Variants in NR3C2 observed in about 807,000 individuals in gnomAD.
NR3C2 encodes mineralocorticoid receptor.
In NR3C2, 15 loss-of-function variants were observed where a neutral mutation model predicts 86.4. That is an observed-to-expected ratio of 0.17 (90% CI 0.12 to 0.27). The LOEUF is 0.27. Among genes scored for constraint, NR3C2 ranks in the 10% least tolerant of loss-of-function variants. The pLI is 1.00. For missense variants in NR3C2, 960 were observed against 1,195.6 expected (o/e 0.80, Z 2.91); for synonymous variants, 458 against 450.5 (o/e 1.02, Z -0.21).
intron 8 of NR3C2, among the ~76,000 whole-genome samples, chr4:148,098,569 G>T (rs905008498): frequency 6.6e-6 from 1 of 152,190 alleles, no homozygotes; most frequent in Admixed American, 6.5e-5. Context: ...GTTTGACCTT[G>T]CCAGGAACAT....
intron 3 of NR3C2, among the ~76,000 whole-genome samples, chr4:148,246,319 T>C (rs543067827): frequency 6.6e-6 from 1 of 152,290 alleles, no homozygotes; most frequent in South Asian, 2.1e-4. Flanking sequence ...ATACAATTAC[T>C]AAAGAAAAAA....
At chr4:148,155,230 T>C (rs1399621402) in intron 4 of NR3C2, among the ~76,000 whole-genome samples, 2 of 152,154 alleles carry the variant, frequency 1.3e-5, no homozygotes, top group Non-Finnish European at 2.9e-5. Flanking sequence ...TTCAGCCTAG[T>C]GGGGGAGGAC....
chr4:148,252,690 C>T (rs183286568), intron 3 of NR3C2, among the ~76,000 whole-genome samples: 1 of 152,328 alleles, frequency 6.6e-6, no homozygotes, highest in Non-Finnish European at 1.5e-5. Flanking sequence ...TTTGGGTTGA[C>T]TGCTAGAAAG....
At chr4:148,362,612 T>C (rs1164466757) in intron 2 of NR3C2, among the ~76,000 whole-genome samples, 1 of 152,220 alleles carries the variant, frequency 6.6e-6, no homozygotes, top group African/African-American at 2.4e-5. Flanking sequence ...TACAGAGTTA[T>C]AGGGACTGTG....
intron 2 of NR3C2, among the ~76,000 whole-genome samples, chr4:148,385,605 A>G (rs937170780): frequency 6.6e-6 from 1 of 152,176 alleles, no homozygotes; most frequent in African/African-American, 2.4e-5. Flanking sequence ...AGAATGAAAT[A>G]CTAACTTAAA....
chr4:148,271,607 T>C (rs1362338672), intron 2 of NR3C2, among the ~76,000 whole-genome samples: 1 of 152,066 alleles, frequency 6.6e-6, no homozygotes, highest in East Asian at 1.9e-4. Flanking sequence ...TTAAGGAAAA[T>C]TTTTTTAAAA....
chr4:148,261,475 A>G (rs904850374), intron 2 of NR3C2, among the ~76,000 whole-genome samples: 4 of 152,234 alleles, frequency 2.6e-5, no homozygotes, highest in Non-Finnish European at 4.4e-5. Context: ...GGTAAGCACT[A>G]TGGTGCAGGG....
In NR3C2 at chr4:148,193,264, T is replaced by G. The variant is rs986948204; in HGVS notation, c.2014+1482A>C. Among the ~76,000 whole-genome samples the G allele has an allele frequency of 2.6e-5, 4 of 152,246 alleles. No individual in the cohort carries two copies. The South Asian group carries it at 8.3e-4, about 32-fold the overall frequency. ...AGACCTTCAGCTTCTCCAGTGGGGGTGTGTGTTCAGGAGAGGAGGGTCTCC... is the reference window on the plus strand; with the variant it reads ...AGACCTTCAGCTTCTCCAGTGGGGGGGTGTGTTCAGGAGAGGAGGGTCTCC... On this transcript the variant is annotated intron_variant, in intron 4 of 8. Transcript: ENST00000358102.
At chr4:148,414,025 T>C (rs1394387200) in intron 2 of NR3C2, among the ~76,000 whole-genome samples, 1 of 152,188 alleles carries the variant, frequency 6.6e-6, no homozygotes, top group Admixed American at 6.5e-5. Context: ...AGCACTACTT[T>C]TATCAGCAAT....
intron 4 of NR3C2, among the ~76,000 whole-genome samples, chr4:148,182,900 A>C (rs1027718225): frequency 6.6e-6 from 1 of 152,164 alleles, no homozygotes; most frequent in Admixed American, 6.5e-5. Context: ...TATATGTGTC[A>C]TGTTGGTTTG....
In NR3C2 at chr4:148,383,824, T is replaced by C. The variant is rs1242772912; in HGVS notation, c.1757+51280A>G. On this transcript the variant is annotated intron_variant, in intron 2 of 8. Transcript: ENST00000358102. ...TAAGCTGGACAAGGTGGCCTGTGCC[T>C]ATAATCCCTGCTACTCTGGAGGCTG... Among the ~76,000 whole-genome samples, 4 of 152,128 alleles carry C rather than the reference T, an allele frequency of 2.6e-5. No individual in the cohort carries two copies. In the East Asian group the frequency reaches 7.7e-4, roughly 29 times the overall value.
chr4:148,368,036 T>C (rs544102416), intron 2 of NR3C2, among the ~76,000 whole-genome samples: 24 of 152,182 alleles, frequency 1.6e-4, no homozygotes, highest in Admixed American at 7.2e-4. Flanking sequence ...CTTAAACTTC[T>C]TCCCCTCCCT....
intron 2 of NR3C2, among the ~76,000 whole-genome samples, chr4:148,284,627 G>A (rs887595247): frequency 6.6e-6 from 1 of 152,138 alleles, no homozygotes; most frequent in African/African-American, 2.4e-5. Flanking sequence ...CTTCTTACCA[G>A]CAAAGGAGGG....
At chr4:148,232,384 G>C (rs1738511410) in intron 3 of NR3C2, among the ~76,000 whole-genome samples, 1 of 152,192 alleles carries the variant, frequency 6.6e-6, no homozygotes, top group Non-Finnish European at 1.5e-5. Flanking sequence ...GAGTTCTTTG[G>C]TGACTAGGTG....
intron 3 of NR3C2, among the ~76,000 whole-genome samples, chr4:148,220,089 A>AT (rs144610060): frequency 0.51 from 76,832 of 149,510 alleles, 19,948 homozygotes; most frequent in South Asian, 0.6. Flanking sequence ...CACCCAGCTA[A>AT]TTTTTTTTTT....
chr4:148,339,895 T>A (rs926609984), intron 2 of NR3C2, among the ~76,000 whole-genome samples: 1 of 152,122 alleles, frequency 6.6e-6, no homozygotes, highest in Non-Finnish European at 1.5e-5. Context: ...GTAGCACTTA[T>A]ATAAGCCAAC....
intron 3 of NR3C2, among the ~76,000 whole-genome samples, chr4:148,199,871 T>C (rs891305826): frequency 6.6e-6 from 1 of 152,192 alleles, no homozygotes; most frequent in Non-Finnish European, 1.5e-5. Context: ...TACATGTACC[T>C]CTGAACTTAA....
intron 4 of NR3C2, among the ~76,000 whole-genome samples, chr4:148,187,084 A>G (rs1351482078): frequency 6.8e-6 from 1 of 146,644 alleles, no homozygotes; most frequent in South Asian, 2.2e-4. Context: ...TGTGATATGT[A>G]TATATCACAG....
intron 2 of NR3C2, among the ~76,000 whole-genome samples, chr4:148,303,343 T>C (rs1742438464): frequency 6.6e-6 from 1 of 152,120 alleles, no homozygotes; most frequent in African/African-American, 2.4e-5. Flanking sequence ...TGGATCAACA[T>C]TCTAGTTCTG....
Sources: allele counts gnomAD v4.1 joint callset (sites outside exome capture counted in the v4.1 genomes callset), GRCh38; gene constraint gnomAD v4.1.1; transcripts MANE v1.5; gene names NCBI Gene and HGNC (gene_info 2026-07-23, HGNC 2026-07-21).